Variants in NLRC4 observed in about 807,000 individuals in gnomAD.
NLRC4 encodes NLR family CARD domain-containing protein 4.
In NLRC4, 63 loss-of-function variants were observed where a neutral mutation model predicts 79.9. The observed-to-expected ratio is 0.79, with a 90% CI of 0.64 to 0.97. The LOEUF (loss-of-function observed/expected upper bound fraction) is 0.97, where lower values mean the gene tolerates loss of function less well. Among genes scored for constraint, NLRC4 ranks in the 50% least tolerant of loss-of-function variants. The pLI is 0.00. For synonymous variants in NLRC4, 461 were observed against 456.5 expected, an observed-to-expected ratio of 1.01 and a Z score of -0.12; for missense variants, 1,074 against 1,215.2, an observed-to-expected ratio of 0.88 and a Z score of 1.73.
At chr2:32,257,561 C>T (rs1413672093) in intron 1 of NLRC4, among the ~76,000 whole-genome samples, 1 of 147,766 alleles carries the variant, frequency 6.8e-6, no homozygotes, top group Non-Finnish European at 1.5e-5. Context: ...GAGCCGAGAT[C>T]GTGCCACTGC....
Position 32,250,359 on chromosome 2 carries a change from G to T in NLRC4, c.1505C>A (p.Thr502Asn). 1 of 1,614,196 alleles carries T rather than the reference G, an allele frequency of 6.2e-7. No individual in the cohort carries two copies. Among genetic ancestry groups the T allele is most frequent in the Non-Finnish European group, 8.5e-7 (1 of 1,180,038 alleles). ...TGCGAGGTGCTTCATAACAGCCCTG[G>T]TGGCTTCCACAGATGACCCACAGGT... ...RYTCGSSVEA[T>N]RAVMKHLAAV... The change falls in exon 4 of 9, where the codon ACC becomes AAC. Residue 502 changes from threonine to asparagine, a missense_variant. Coordinates refer to ENST00000402280, the MANE Select transcript of NLRC4 (RefSeq NM_001199138.2). This position sits in a 1 kb window ranked among gnomAD's most constrained non-coding sequence, Gnocchi z 4.9.
At chr2:32,227,809 A>T (rs967730418) in intron 8 of NLRC4, among the ~76,000 whole-genome samples, 1 of 152,194 alleles carries the variant, frequency 6.6e-6, no homozygotes, top group South Asian at 2.1e-4. Flanking sequence ...TGCTTATGTT[A>T]TGAGGAGCAG....
intron 8 of NLRC4, among the ~76,000 whole-genome samples, chr2:32,227,559 C>T (rs1157340432): frequency 6.6e-6 from 1 of 152,106 alleles, no homozygotes; most frequent in Non-Finnish European, 1.5e-5. Context: ...CTTTTTTTCT[C>T]CTTCTCAGCT....
At position 32,251,110 on chromosome 2, in the gene NLRC4, C is replaced by T; in HGVS notation, c.754G>A (p.Glu252Lys). ...RVLFLLDGYN[E>K]FKPQNCPEIE... is the part of the protein sequence containing the mutation. ...TCTGGGCAGTTCTGGGGCTTGAATT[C>T]ATTGTAGCCATCAAGAAGGAAAAGA... The change falls in exon 4 of 9, where the codon GAA becomes AAA. Residue 252 changes from glutamate (E) to lysine (K), a missense_variant. Glu to Lys is a moderately conservative substitution (Grantham distance 56). Coordinates refer to ENST00000402280, the MANE Select transcript of NLRC4 (RefSeq NM_001199138.2). 1 of 1,614,148 alleles carries T rather than the reference C, an allele frequency of 6.2e-7. No homozygotes were observed. The highest frequency in any genetic ancestry group is 8.5e-7 in the Non-Finnish European group (1 of 1,180,026).
intron 4 of NLRC4, among the ~76,000 whole-genome samples, chr2:32,242,890 T>C (rs1162413481): frequency 1.3e-5 from 2 of 151,962 alleles, no homozygotes; most frequent in Non-Finnish European, 1.5e-5. Flanking sequence ...CTACAAAATA[T>C]TTTTTAAATT....
chr2:32,264,209 G>A (rs767011790), intron 1 of NLRC4, among the ~76,000 whole-genome samples: 1 of 152,102 alleles, frequency 6.6e-6, no homozygotes, highest in Non-Finnish European at 1.5e-5. Flanking sequence ...GCTGAGGTGG[G>A]CAGATCACGA....
intron 1 of NLRC4, 87 bp from the exon 2 acceptor site, chr2:32,256,980 A>G (rs968549325): frequency 7.8e-6 from 4 of 513,252 alleles, no homozygotes; most frequent in African/African-American, 7.6e-5. Context: ...TTCATAGATG[A>G]GAAAATGGTG....
At chr2:32,248,031 G>T (rs1047076638) in intron 4 of NLRC4, among the ~76,000 whole-genome samples, 3 of 152,056 alleles carry the variant, frequency 2.0e-5, no homozygotes, top group Non-Finnish European at 2.9e-5. Flanking sequence ...TGACAGGGAG[G>T]CAAGGGATGA....
intron 4 of NLRC4, 76 bp downstream of exon 4, chr2:32,249,529 CCT>C: frequency 9.0e-7 from 1 of 1,107,582 alleles, no homozygotes; most frequent in Non-Finnish European, 1.3e-6. Flanking sequence ...AATAAAGTCT[CCT>C]CTCTCCTTTT....
intron 1 of NLRC4, among the ~76,000 whole-genome samples, chr2:32,260,154 A>G (rs1056061970): frequency 7.1e-6 from 1 of 140,918 alleles, no homozygotes; most frequent in Non-Finnish European, 1.5e-5. Context: ...ACTTGAACCC[A>G]GGAAGCGGAG....
intron 4 of NLRC4, among the ~76,000 whole-genome samples, chr2:32,248,562 G>A (rs1241007324): frequency 2.0e-5 from 3 of 152,208 alleles, no homozygotes; most frequent in Non-Finnish European, 4.4e-5. Context: ...GCTCACGCCT[G>A]TAATCCCAAC....
At chr2:32,232,073 A>G (rs754286490) in intron 8 of NLRC4, among the ~76,000 whole-genome samples, 1 of 152,058 alleles carries the variant, frequency 6.6e-6, no homozygotes, top group Non-Finnish European at 1.5e-5. Context: ...TCATCATTAG[A>G]TGGGGGATAT....
intron 8 of NLRC4, among the ~76,000 whole-genome samples, chr2:32,230,859 C>T (rs956997098): frequency 2.6e-5 from 4 of 152,196 alleles, no homozygotes; most frequent in African/African-American, 9.7e-5. Flanking sequence ...TTTTCCTCAG[C>T]AGCTGCATCA....
At chr2:32,260,941 C>T (rs1687327660) in intron 1 of NLRC4, among the ~76,000 whole-genome samples, 1 of 152,078 alleles carries the variant, frequency 6.6e-6, no homozygotes, top group South Asian at 2.1e-4. Flanking sequence ...GCCTGTAATC[C>T]CAGCACTTTG....
At chr2:32,226,389 T>A (rs913369719) in intron 8 of NLRC4, among the ~76,000 whole-genome samples, 2 of 152,212 alleles carry the variant, frequency 1.3e-5, no homozygotes, top group African/African-American at 4.8e-5. Flanking sequence ...GTCTTGAGTT[T>A]CGAAAGGTCT....
At chr2:32,246,653 G>A (rs1686944577) in intron 4 of NLRC4, among the ~76,000 whole-genome samples, 2 of 152,196 alleles carry the variant, frequency 1.3e-5, no homozygotes, top group African/African-American at 4.8e-5. Flanking sequence ...CTCCTTTAGT[G>A]TTATTTGGAA....
intron 8 of NLRC4, among the ~76,000 whole-genome samples, chr2:32,231,619 CAATGCAGTGGCATGAT>C (rs1370819334): frequency 7.0e-6 from 1 of 143,218 alleles, no homozygotes; most frequent in Non-Finnish European, 1.5e-5. Flanking sequence ...ACCCAAGCTG[CAATGCAGTGGCATGAT>C]CACAGCTCAC....
Position 32,249,944 on chromosome 2 carries a change from TG to T in NLRC4, c.1919del (p.Pro640GlnfsTer33). On this transcript the variant is annotated frameshift_variant, in exon 4 of 9. Transcript: ENST00000402280. LOFTEE classifies it high-confidence loss of function. The stretch of plus-strand genomic sequence containing the variant: ...CAGCCCTGCTGGGAATGTAGGTTTC[TG>T]GGGCCTCTTCCATGTGGATTCCACC... The part of the protein sequence containing the change: ...DTGGIHMEEA[P>X]ETYIPSRAVS... 6.2e-7 allele frequency: 1 copy of T among 1,614,240 alleles called. No homozygotes were observed. Among genetic ancestry groups the T allele is most frequent in the Non-Finnish European group, 8.5e-7 (1 of 1,180,046 alleles).
At chr2:32,236,730 A>T (rs1289787333) in intron 6 of NLRC4, among the ~76,000 whole-genome samples, 1 of 152,226 alleles carries the variant, frequency 6.6e-6, no homozygotes, top group Non-Finnish European at 1.5e-5. Context: ...AAATGCCGTT[A>T]ATCATGCAGG....
Sources: allele counts gnomAD v4.1 joint callset (sites outside exome capture counted in the v4.1 genomes callset), GRCh38; gene constraint gnomAD v4.1.1; non-coding constraint Gnocchi (gnomAD v3.1); transcripts MANE v1.5; gene names NCBI Gene and HGNC (gene_info 2026-07-23, HGNC 2026-07-21).